Variants in AGXT observed in about 807,000 individuals in gnomAD.
AGXT encodes L-alanine: glyoxylate aminotransferase 1.
In AGXT, 41 loss-of-function variants were observed where a neutral mutation model predicts 46.9. That is an observed-to-expected ratio of 0.88 (90% CI 0.68 to 1.14). The LOEUF (loss-of-function observed/expected upper bound fraction) is 1.14. AGXT is among the 50% of genes most tolerant of loss of function. The probability of loss-of-function intolerance (pLI) is 0.00; values close to 1 mark genes in which losing one functional copy is unlikely to be tolerated. For missense variants in AGXT, 525 were observed against 522.7 expected, an observed-to-expected ratio of 1.00 and a Z score of -0.04; for synonymous variants, 244 against 227.9, an observed-to-expected ratio of 1.07 and a Z score of -0.64.
rs2058986508 is a variant in AGXT at position 240,870,711 on chromosome 2, A to G, written c.423+3A>G. On this transcript the variant is annotated splice_donor_region_variant and intron_variant, in intron 3 of 10. Coordinates refer to ENST00000307503, the MANE Select transcript of AGXT (RefSeq NM_000030.3). Reference sequence around the variant, plus strand: ...ACACACTGCAGGAGGTGGAGGAGGTAGGGGACCCGGGGTGGGGGTCAGGGC... The same window carrying G: ...ACACACTGCAGGAGGTGGAGGAGGTGGGGGACCCGGGGTGGGGGTCAGGGC... 2 of 1,548,570 alleles carry G rather than the reference A, an allele frequency of 1.3e-6. No homozygotes were observed. The highest frequency in any genetic ancestry group is 1.7e-6 in the Non-Finnish European group (2 of 1,145,782).
In AGXT at chr2:240,875,095, T is replaced by C; in HGVS notation, c.681-14T>C. 1 of 1,594,818 alleles carries C rather than the reference T, an allele frequency of 6.3e-7. No homozygotes were observed. ...ACTGAGAGGCTGGTGCTCAGCCTGC[T>C]TCTTTCTCCCCAGAAAGAAGATGTA... is the stretch of plus-strand genomic sequence containing the variant. On this transcript the variant is annotated splice_polypyrimidine_tract_variant and intron_variant, in intron 6 of 10. Coordinates refer to ENST00000307503, the MANE Select transcript of AGXT (RefSeq NM_000030.3).
chr2:240,877,197 T>C, intron 8 of AGXT: 1 of 492,684 alleles, frequency 2.0e-6, no homozygotes, highest in Non-Finnish European at 3.9e-6. Context: ...CCCTGAGCCC[T>C]GGCCCTGATC....
At chr2:240,870,838 C>A (rs1174387579) in intron 3 of AGXT, 130 bp downstream of exon 3, 2 of 879,938 alleles carry the variant, frequency 2.3e-6, no homozygotes, top group Non-Finnish European at 3.6e-6. Flanking sequence ...GACCCTCAGC[C>A]CATCCTAGCA....
In AGXT at chr2:240,880,175, T is replaced by C. The variant is rs931735369; in HGVS notation, c.*1354T>C. ...GGAGTGGAATTGCAGGGTCATACAA[T>C]AGGCTTAACCTTATACGAGACTGCC... On this transcript the variant is annotated 3_prime_UTR_variant, in exon 11 of 11. Coordinates refer to ENST00000307503, the MANE Select transcript of AGXT (RefSeq NM_000030.3). The C allele has an allele frequency of 6.6e-6, 1 of 152,338 alleles. No individual in the cohort carries two copies. The highest frequency in any genetic ancestry group is 1.5e-5 in the Non-Finnish European group (1 of 68,038). 9.4% of individuals were successfully genotyped at this position (152,338 alleles called of 1,614,324 possible).
rs199610919 is a variant in AGXT at position 240,878,127 on chromosome 2, G to A, written c.1048G>A (p.Gly350Ser). The A allele has an allele frequency of 7.4e-5, 120 of 1,613,200 alleles. No homozygotes were observed. The African/African-American group carries it at 1.6e-3, about 21-fold the overall frequency. ...CCACTTCGACATTGAGATCATGGGT[G>A]GCCTTGGGCCCTCCACGGGGAAGGT... ...IDHFDIEIMG[G>S]LGPSTGKVLR... is the part of the protein sequence containing the mutation. The change falls in exon 10 of 11, where the codon GGC (glycine) becomes AGC (serine). Residue 350 changes from glycine to serine, a missense_variant. By Grantham distance (56) the Gly-to-Ser change is moderately conservative. Transcript: ENST00000307503.
Position 240,876,504 on chromosome 2 carries a change from G to A in AGXT, c.846+500G>A, listed in dbSNP as rs561393339. ...GCAACATCCACACTCTCAGGACACAGGCGGCTGAGAGTGGCCTCAGGCCCA... is the reference window on the plus strand; with the variant it reads ...GCAACATCCACACTCTCAGGACACAAGCGGCTGAGAGTGGCCTCAGGCCCA... On this transcript the variant is annotated intron_variant, in intron 8 of 10. Coordinates refer to ENST00000307503, the MANE Select transcript of AGXT (RefSeq NM_000030.3). Among the ~76,000 whole-genome samples the A allele has an allele frequency of 6.6e-5, 10 of 152,340 alleles. No homozygotes were observed. In the East Asian group the frequency reaches 1.7e-3, roughly 26 times the overall value.
chr2:240,878,726 G>A lies in AGXT; in HGVS notation c.1084G>A (p.Gly362Ser), dbSNP rs569643246. The A allele has an allele frequency of 9.0e-6, 14 of 1,564,202 alleles. No homozygotes were observed. Among genetic ancestry groups the A allele is most frequent in the Middle Eastern group, 1.7e-4 (1 of 5,932 alleles). ...CTGTGCCCCCCAGGTGCTGCGGATC[G>A]GCCTGCTGGGCTGCAATGCCACCCG... ...GPSTGKVLRI[G>S]LLGCNATREN... is the part of the protein sequence containing the mutation. Residue 362 changes from glycine to serine, a missense_variant, in exon 11 of 11, where the codon GGC (glycine) becomes AGC (serine). Physicochemically the swap from Gly to Ser is moderately conservative, Grantham distance 56 (BLOSUM62 0). Coordinates refer to ENST00000307503, the MANE Select transcript of AGXT (RefSeq NM_000030.3).
chr2:240,874,848 C>G (rs983742338), intron 6 of AGXT, among the ~76,000 whole-genome samples: 4 of 152,238 alleles, frequency 2.6e-5, no homozygotes, highest in Admixed American at 2.6e-4. Flanking sequence ...GAGAAAGGGG[C>G]ACACAGAGTG....
At position 240,876,019 on chromosome 2, in the gene AGXT, C is replaced by T; in HGVS notation, c.846+15C>T. The stretch of plus-strand genomic sequence containing the variant: ...TTGCGGAACAGGTGCATGGGCTGCA[C>T]TCCACAGGAGGAGACAGGGCCACTG... On this transcript the variant is annotated intron_variant, in intron 8 of 10. Coordinates refer to ENST00000307503, the MANE Select transcript of AGXT (RefSeq NM_000030.3). The T allele has an allele frequency of 6.2e-7, 1 of 1,613,430 alleles. No individual in the cohort carries two copies. Among genetic ancestry groups the T allele is most frequent in the Non-Finnish European group, 8.5e-7 (1 of 1,179,478 alleles).
At position 240,868,876 on chromosome 2, in the gene AGXT, A is replaced by T. The variant is rs762363201; in HGVS notation, c.11A>T (p.His4Leu). MAS[H>L]KLLVTPPKAL... ...GGTTGGGTGCGGACCATGGCCTCTC[A>T]CAAGCTGCTGGTGACCCCCCCCAAG... The change falls in exon 1 of 11, where the codon CAC (histidine) becomes CTC (leucine). Residue 4 changes from histidine (H) to leucine (L), a missense_variant. Coordinates refer to ENST00000307503, the MANE Select transcript of AGXT (RefSeq NM_000030.3). 1.6e-5 allele frequency: 25 copies of T among 1,611,578 alleles called. No homozygotes were observed. The highest frequency in any genetic ancestry group is 1.8e-5 in the Non-Finnish European group (21 of 1,179,478).
chr2:240,874,793 G>A (rs1274174881), intron 6 of AGXT, among the ~76,000 whole-genome samples: 1 of 152,254 alleles, frequency 6.6e-6, no homozygotes, highest in Admixed American at 6.5e-5. Context: ...TCACCTTTGG[G>A]TGATGTGAGA....
Position 240,874,061 on chromosome 2 carries a change from A to G in AGXT, c.679A>G (p.Lys227Glu), listed in dbSNP as rs768610288. The part of the protein sequence containing the change: ...TSLISFSDKA[K>E]KKMYSRKTKP... Reference sequence around the variant, plus strand: ...GCTCATCTCCTTCAGTGACAAGGCCAAGTGAGTGACCCACAGACCCTCACC... The same window carrying G: ...GCTCATCTCCTTCAGTGACAAGGCCGAGTGAGTGACCCACAGACCCTCACC... The change falls in exon 6 of 11, where the codon AAA becomes GAA. Residue 227 changes from lysine to glutamate, a missense_variant and splice_region_variant. Physicochemically the swap from Lys to Glu is moderately conservative, Grantham distance 56 (BLOSUM62 1). Coordinates refer to ENST00000307503, the MANE Select transcript of AGXT (RefSeq NM_000030.3). The G allele has an allele frequency of 3.1e-6, 5 of 1,613,366 alleles. No homozygotes were observed. The highest frequency in any genetic ancestry group is 1.1e-5 in the South Asian group (1 of 91,088).
Position 240,877,535 on chromosome 2 carries a change from AG to A in AGXT, c.848del, listed in dbSNP as rs1215010372. ...TGCCCACCAGCGCCATCTCCCACACAGGGCCTGGAGAACAGCTGGCGCCAGC... is the reference window on the plus strand; with the variant it reads ...TGCCCACCAGCGCCATCTCCCACACAGGCCTGGAGAACAGCTGGCGCCAGC... On this transcript the variant is annotated splice_acceptor_variant, in intron 8 of 10. Transcript: ENST00000307503. LOFTEE classifies it high-confidence loss of function. 3 of 1,546,188 alleles carry A rather than the reference AG, an allele frequency of 1.9e-6. No homozygotes were observed. The highest frequency in any genetic ancestry group is 2.6e-6 in the Non-Finnish European group (3 of 1,143,878).
intron 7 of AGXT, 70 bp downstream of exon 7, chr2:240,875,274 A>C: frequency 1.5e-6 from 2 of 1,323,624 alleles, no homozygotes; most frequent in Non-Finnish European, 2.2e-6. Context: ...CTGGCCTCTC[A>C]CTGCACTCAG....
chr2:240,875,434 G>A (rs574832678), intron 7 of AGXT, among the ~76,000 whole-genome samples: 21 of 152,258 alleles, frequency 1.4e-4, no homozygotes, highest in South Asian at 1.2e-3. Flanking sequence ...CCCCACTGCC[G>A]CTTCCACAAA....
At position 240,875,931 on chromosome 2, in the gene AGXT, C is replaced by A; in HGVS notation, c.777-4C>A. The A allele has an allele frequency of 2.5e-6, 4 of 1,614,200 alleles. No individual in the cohort carries two copies. Among genetic ancestry groups the A allele is most frequent in the Non-Finnish European group, 3.4e-6 (4 of 1,180,012 alleles). ...GCTGGACCAAGCCCCCTCGTGTCTTCCAGGTACCATCACACAATCCCCGTC... is the reference window on the plus strand; with the variant it reads ...GCTGGACCAAGCCCCCTCGTGTCTTACAGGTACCATCACACAATCCCCGTC... On this transcript the variant is annotated splice_polypyrimidine_tract_variant and splice_region_variant and intron_variant, in intron 7 of 10. Transcript: ENST00000307503.
At chr2:240,869,395 G>A in intron 2 of AGXT, 33 bp downstream of exon 2, 9 of 1,530,464 alleles carry the variant, frequency 5.9e-6, no homozygotes, top group Non-Finnish European at 7.9e-6. Flanking sequence ...GATGGCCCTG[G>A]ATCCATCCTT....
intron 6 of AGXT, 60 bp downstream of exon 6, chr2:240,874,122 G>A: frequency 1.3e-6 from 2 of 1,556,900 alleles, no homozygotes; most frequent in Non-Finnish European, 1.8e-6. Context: ...AGCTCAGGTG[G>A]CCCGAGGCGG....
At position 240,878,010 on chromosome 2, in the gene AGXT, C is replaced by T. The variant is rs1265418724; in HGVS notation, c.943-12C>T. The T allele has an allele frequency of 1.9e-6, 3 of 1,609,856 alleles. No homozygotes were observed. Among genetic ancestry groups the T allele is most frequent in the African/African-American group, 1.3e-5 (1 of 74,954 alleles). ...CCTCTCACCCACGCACTGAGCCAGG[C>T]CCCTCCTGCAGGCGCTCCGGCTTCC... On this transcript the variant is annotated splice_polypyrimidine_tract_variant and intron_variant, in intron 9 of 10. Coordinates refer to ENST00000307503, the MANE Select transcript of AGXT (RefSeq NM_000030.3).
Sources: allele counts gnomAD v4.1 joint callset (sites outside exome capture counted in the v4.1 genomes callset), GRCh38; gene constraint gnomAD v4.1.1; transcripts MANE v1.5; gene names NCBI Gene and HGNC (gene_info 2026-07-23, HGNC 2026-07-21).